ZYG11B: variants seen among roughly 807,000 people sequenced by gnomAD.
ZYG11B encodes the protein zyg-11 family member B, cell cycle regulator.
Under a neutral mutation model 82.4 loss-of-function variants are expected in ZYG11B, and 36 were observed. That is an observed-to-expected ratio of 0.44 (90% confidence interval 0.33 to 0.58). ZYG11B has a LOEUF of 0.58. ZYG11B is among the 20% of genes least tolerant of loss of function. ZYG11B has a pLI of 0.02. For missense variants in ZYG11B, 552 were observed against 895.6 expected (o/e 0.62, Z 4.90); for synonymous variants, 303 against 312.8 (o/e 0.97, Z 0.33).
rs71044414 is a variant in ZYG11B at position 52,743,402 on chromosome 1, T to TAAAA, written c.31-13037_31-13034dup. 4.1e-3 allele frequency among the ~76,000 whole-genome samples: 286 copies of TAAAA among 69,082 alleles called. 2 individuals are homozygous for TAAAA. The highest frequency in any genetic ancestry group is 0.015 in the African/African-American group (271 of 18,038). The allele number at this position is 69,082 out of a possible 152,430, so 45.3% of individuals were successfully genotyped here. A position where few individuals can be genotyped will look rare whatever the true frequency, so the allele number is the denominator to read the frequency against. Reference sequence around the variant, plus strand: ...ACACCCAAGAATGATCAATAAATACTAAAAAAAAAAAAAAAAAAAAAAGTA... The same window carrying TAAAA: ...ACACCCAAGAATGATCAATAAATACTAAAAAAAAAAAAAAAAAAAAAAAAAAGTA... On this transcript the variant is annotated intron_variant, in intron 1 of 13. Coordinates refer to ENST00000294353, the MANE Select transcript of ZYG11B (RefSeq NM_024646.3).
intron 10 of ZYG11B, among the ~76,000 whole-genome samples, chr1:52,803,173 CAT>C (rs754709420): frequency 0.1 from 5,540 of 55,262 alleles, 525 homozygotes; most frequent in Middle Eastern, 0.2. Flanking sequence ...TATATACACA[CAT>C]ATATATATAT....
At chr1:52,728,931 A>G (rs1190091858) in intron 1 of ZYG11B, among the ~76,000 whole-genome samples, 1 of 152,144 alleles carries the variant, frequency 6.6e-6, no homozygotes, top group African/African-American at 2.4e-5. Flanking sequence ...TTACCCTTAT[A>G]TAGCATGGAA....
rs114374978 is a variant in ZYG11B at position 52,742,281 on chromosome 1, G to C, written c.31-14177G>C. ...AACCTGAGCAACATAGTAAGACCCC[G>C]TCTCTACACAAAAACAAAAAATTAG... On this transcript the variant is annotated intron_variant, in intron 1 of 13. Coordinates refer to ENST00000294353, the MANE Select transcript of ZYG11B (RefSeq NM_024646.3). 5.2e-3 allele frequency among the ~76,000 whole-genome samples: 788 copies of C among 151,578 alleles called. 9 individuals carry two copies. The highest frequency in any genetic ancestry group is 0.018 in the African/African-American group (760 of 41,274).
chr1:52,755,119 C>T (rs1226127138), intron 1 of ZYG11B, among the ~76,000 whole-genome samples: 1 of 151,926 alleles, frequency 6.6e-6, no homozygotes, highest in Non-Finnish European at 1.5e-5. Context: ...CGCCACCATG[C>T]CTGGCTAATT....
chr1:52,799,536 C>T (rs991132262), intron 8 of ZYG11B, among the ~76,000 whole-genome samples: 1 of 150,820 alleles, frequency 6.6e-6, no homozygotes, highest in African/African-American at 2.4e-5. Context: ...CAGTGGCCCA[C>T]GCCTGTAATT....
At chr1:52,783,828 A>ACACGTGTGCGTATG (rs1210996802) in intron 4 of ZYG11B, among the ~76,000 whole-genome samples, 1,701 of 146,916 alleles carry the variant, frequency 0.012, 77 homozygotes, top group East Asian at 0.082. Context: ...ATATGTATAC[A>ACACGTGTGCGTATG]TACGTGTGTA....
intron 1 of ZYG11B, among the ~76,000 whole-genome samples, chr1:52,753,164 A>G (rs1040300085): frequency 1.3e-5 from 2 of 152,146 alleles, no homozygotes; most frequent in Non-Finnish European, 2.9e-5. Context: ...CTTTTTAACT[A>G]TTATGAACAA....
At chr1:52,821,344 TG>T (rs1571806456) in intron 13 of ZYG11B, 94 bp from the exon 14 acceptor site, 1 of 1,286,890 alleles carries the variant, frequency 7.8e-7, no homozygotes, top group East Asian at 2.5e-5. Flanking sequence ...TAAAAAAAAA[TG>T]GCTCCTAGAA....
chr1:52,780,937 G>A (rs1180967930), intron 4 of ZYG11B, among the ~76,000 whole-genome samples: 1 of 152,160 alleles, frequency 6.6e-6, no homozygotes, highest in East Asian at 1.9e-4. Context: ...GGGGCCAGGA[G>A]TTCTAGACCA....
chr1:52,762,749 T>A (rs1439985533), intron 2 of ZYG11B, among the ~76,000 whole-genome samples: 1 of 151,536 alleles, frequency 6.6e-6, no homozygotes, highest in Non-Finnish European at 1.5e-5. Context: ...GTCCAGCTAA[T>A]TTTTGTATTT....
At chr1:52,811,029 G>A (rs1375211095) in intron 10 of ZYG11B, among the ~76,000 whole-genome samples, 2 of 96,548 alleles carry the variant, frequency 2.1e-5, no homozygotes, top group Non-Finnish European at 1.8e-5. Flanking sequence ...GCAAGGCTCC[G>A]TCTCAAAAAA....
intron 4 of ZYG11B, among the ~76,000 whole-genome samples, chr1:52,784,289 GC>G (rs1644894784): frequency 2.6e-5 from 4 of 152,102 alleles, no homozygotes. Flanking sequence ...ACCATGCCTG[GC>G]CCCCAGTGAA....
intron 2 of ZYG11B, among the ~76,000 whole-genome samples, chr1:52,757,571 A>G (rs112545665): frequency 0.012 from 1,780 of 152,066 alleles, 39 homozygotes; most frequent in African/African-American, 0.041. Flanking sequence ...GCTACTCGGG[A>G]GGGTGAGACA....
chr1:52,802,756 G>T (rs1486465467), intron 10 of ZYG11B, among the ~76,000 whole-genome samples: 1 of 151,720 alleles, frequency 6.6e-6, no homozygotes, highest in Non-Finnish European at 1.5e-5. Context: ...CAATGACATT[G>T]GAAAATAAAT....
In ZYG11B at chr1:52,739,472, A is replaced by G. The variant is rs1451606776; in HGVS notation, c.30+12789A>G. 3.3e-5 allele frequency among the ~76,000 whole-genome samples: 5 copies of G among 152,344 alleles called. No homozygotes were observed. In the East Asian group the frequency reaches 9.6e-4, roughly 29 times the overall value. ...GTAGATACATTCTATTAGCTGTAGTACTATGGGATCTGGGCAAACTGTTTT... is the reference window on the plus strand; with the variant it reads ...GTAGATACATTCTATTAGCTGTAGTGCTATGGGATCTGGGCAAACTGTTTT... On this transcript the variant is annotated intron_variant, in intron 1 of 13. Coordinates refer to ENST00000294353, the MANE Select transcript of ZYG11B (RefSeq NM_024646.3).
In ZYG11B at chr1:52,826,549, T is replaced by C. The variant is rs947738361; in HGVS notation, c.*4920T>C. Reference sequence around the variant, plus strand: ...GATATGGTACACTCCTAATTATGCATTCTTTGGTTTCCAAATCTTAATCTA... The same window carrying C: ...GATATGGTACACTCCTAATTATGCACTCTTTGGTTTCCAAATCTTAATCTA... On this transcript the variant is annotated 3_prime_UTR_variant, in exon 14 of 14. Transcript: ENST00000294353. The C allele has an allele frequency of 2.2e-4, 34 of 152,246 alleles. No individual in the cohort carries two copies. The highest frequency in any genetic ancestry group is 8.0e-4 in the African/African-American group (33 of 41,464). 9.4% of individuals were successfully genotyped at this position (152,246 alleles called of 1,614,324 possible). A position where few individuals can be genotyped will look rare whatever the true frequency, so the allele number is the denominator to read the frequency against.
chr1:52,787,020 G>T (rs555817307), intron 5 of ZYG11B, among the ~76,000 whole-genome samples: 5 of 152,092 alleles, frequency 3.3e-5, no homozygotes, highest in Non-Finnish European at 5.9e-5. Context: ...AACCCGGGAG[G>T]GGGAGGTTGC....
chr1:52,813,765 C>T lies in ZYG11B; in HGVS notation c.1893+32C>T, dbSNP rs1264908706. The stretch of plus-strand genomic sequence containing the variant: ...TCATTCCATACCAACAAAAGACATT[C>T]ATAGTGGTTAAACTATCAAAGCCTC... On this transcript the variant is annotated intron_variant, in intron 11 of 13. Coordinates refer to ENST00000294353, the MANE Select transcript of ZYG11B (RefSeq NM_024646.3). The T allele has an allele frequency of 3.1e-6, 5 of 1,613,186 alleles. No individual in the cohort carries two copies. The East Asian group carries it at 1.1e-4, about 36-fold the overall frequency.
Position 52,790,084 on chromosome 1 carries a change from G to T in ZYG11B, c.1334+17G>T. 6.4e-7 allele frequency: 1 copy of T among 1,563,682 alleles called. No homozygotes were observed. Among genetic ancestry groups the T allele is most frequent in the South Asian group, 1.2e-5 (1 of 80,284 alleles). ...ATTTAACAGGCAAGTGATAGCTCTA[G>T]AACTTAAAGTGGGGCAAAACAGAAT... On this transcript the variant is annotated intron_variant, in intron 6 of 13. Coordinates refer to ENST00000294353, the MANE Select transcript of ZYG11B (RefSeq NM_024646.3).
Sources: gnomAD v4.1 joint callset for allele counts (sites outside exome capture counted in the v4.1 genomes callset) on GRCh38, gnomAD v4.1.1 for gene constraint, MANE v1.5 for transcripts, NCBI Gene and HGNC (gene_info 2026-07-23, HGNC 2026-07-21) for gene names.